The following MACROD2 variants were observed in gnomAD, a reference collection of about 807,000 sequenced individuals.
The protein encoded by MACROD2 is mono-ADP ribosylhydrolase 2.
In MACROD2, 36 loss-of-function variants were observed where a neutral mutation model predicts 70.4. That is an observed-to-expected ratio of 0.51 (90% CI 0.39 to 0.68). MACROD2 has a LOEUF of 0.68. MACROD2 is among the 30% of genes least tolerant of loss of function. The probability of loss-of-function intolerance (pLI) is 0.00; values close to 1 mark genes in which losing one functional copy is unlikely to be tolerated. For synonymous variants in MACROD2, 172 were observed against 178.8 expected, an observed-to-expected ratio of 0.96 and a Z score of 0.30; for missense variants, 496 against 538.4, an observed-to-expected ratio of 0.92 and a Z score of 0.78.
chr20:14,090,188 T>C (rs1601209812), intron 3 of MACROD2, among the ~76,000 whole-genome samples: 1 of 152,360 alleles, frequency 6.6e-6, no homozygotes, highest in East Asian at 1.9e-4. Context: ...TGTGTATATA[T>C]GTGTGTAGTT....
chr20:15,298,198 C>T (rs1015334008), intron 6 of MACROD2, among the ~76,000 whole-genome samples: 1 of 152,186 alleles, frequency 6.6e-6, no homozygotes, highest in Admixed American at 6.5e-5. Context: ...TGGTTTCTTC[C>T]TCTGTAAAAT....
chr20:14,332,776 C>G (rs1419215615), intron 3 of MACROD2, among the ~76,000 whole-genome samples: 2 of 151,964 alleles, frequency 1.3e-5, no homozygotes, highest in African/African-American at 4.8e-5. Flanking sequence ...ACAAATGTAT[C>G]CAACTTTGTG....
rs35379314 is a variant in MACROD2, at chr20:14,181,586, C to CT, written c.271+95869dup. On this transcript the variant is annotated intron_variant, in intron 3 of 17. Transcript: ENST00000684519. ...CCATCACCACTATCTAATTCCGGAT[C>CT]TTTTTTTTTTTCCCCAGAAGGAAAT... 6.0e-4 allele frequency among the ~76,000 whole-genome samples: 88 copies of CT among 147,528 alleles called. 1 individual carries two copies. Among genetic ancestry groups the CT allele is most frequent in the African/African-American group, 1.5e-3 (61 of 40,300 alleles).
intron 4 of MACROD2, among the ~76,000 whole-genome samples, chr20:14,506,760 C>T (rs1465737440): frequency 1.3e-5 from 2 of 152,108 alleles, no homozygotes; most frequent in African/African-American, 4.8e-5. Flanking sequence ...ACTGTTTTGG[C>T]TAACACAGTG....
intron 13 of MACROD2, among the ~76,000 whole-genome samples, chr20:15,982,312 C>G (rs1411648026): frequency 6.6e-6 from 1 of 152,138 alleles, no homozygotes; most frequent in African/African-American, 2.4e-5. Flanking sequence ...AATAATAGGA[C>G]TGTAGCAATC....
chr20:15,665,681 C>T (rs1199779806), intron 8 of MACROD2, among the ~76,000 whole-genome samples: 1 of 152,146 alleles, frequency 6.6e-6, no homozygotes, highest in Non-Finnish European at 1.5e-5. Context: ...AGAAAAGAGG[C>T]CATGGGAAGG....
intron 5 of MACROD2, among the ~76,000 whole-genome samples, chr20:14,858,271 G>A (rs765580813): frequency 6.6e-6 from 1 of 152,126 alleles, no homozygotes; most frequent in Non-Finnish European, 1.5e-5. Flanking sequence ...TGGAAAATGT[G>A]GTTAACCCGA....
chr20:15,438,710 C>A (rs940188232), intron 7 of MACROD2, among the ~76,000 whole-genome samples: 12 of 152,178 alleles, frequency 7.9e-5, no homozygotes, highest in African/African-American at 2.7e-4. Context: ...ATTCTGTGCT[C>A]ACAGCCAGTT....
chr20:15,434,243 C>G (rs2046399214), intron 7 of MACROD2, among the ~76,000 whole-genome samples: 1 of 151,894 alleles, frequency 6.6e-6, no homozygotes, highest in Non-Finnish European at 1.5e-5. Context: ...AGCAGACAAT[C>G]CACAGAGTGG....
intron 6 of MACROD2, among the ~76,000 whole-genome samples, chr20:15,265,257 T>C (rs1396557938): frequency 1.3e-5 from 2 of 152,168 alleles, no homozygotes; most frequent in Non-Finnish European, 1.5e-5. Flanking sequence ...GGAAACACAT[T>C]CACACTCAAT....
chr20:15,667,688 C>T (rs536090638), intron 8 of MACROD2, among the ~76,000 whole-genome samples: 4 of 152,164 alleles, frequency 2.6e-5, no homozygotes, highest in South Asian at 4.1e-4. Context: ...TGAATTCCCT[C>T]AATTAATCCT....
chr20:15,501,621 C>T (rs978347791), intron 8 of MACROD2, among the ~76,000 whole-genome samples: 2 of 151,948 alleles, frequency 1.3e-5, no homozygotes, highest in African/African-American at 4.8e-5. Context: ...TTTCTTGGGT[C>T]CATTGTAGAA....
At chr20:15,825,609 A>T (rs1355880777) in intron 8 of MACROD2, among the ~76,000 whole-genome samples, 1 of 151,938 alleles carries the variant, frequency 6.6e-6, no homozygotes, top group Non-Finnish European at 1.5e-5. Context: ...AGCCAGATAA[A>T]ATGGTTTTTT....
chr20:15,098,047 A>AT (rs1183939798), intron 5 of MACROD2, among the ~76,000 whole-genome samples: 3 of 152,162 alleles, frequency 2.0e-5, no homozygotes, highest in Non-Finnish European at 4.4e-5. Context: ...GAGCTGCCAA[A>AT]TAAACTTAAA....
intron 5 of MACROD2, among the ~76,000 whole-genome samples, chr20:14,755,326 C>T (rs528937642): frequency 1.5e-4 from 23 of 152,182 alleles, no homozygotes; most frequent in African/African-American, 4.6e-4. Context: ...CATCATTCCT[C>T]CTCTGGGGCA....
At chr20:14,032,410 C>T (rs1327186483) in intron 2 of MACROD2, among the ~76,000 whole-genome samples, 1 of 152,038 alleles carries the variant, frequency 6.6e-6, no homozygotes, top group Non-Finnish European at 1.5e-5. Flanking sequence ...AAGGTTTATA[C>T]CCACATCAGT....
chr20:14,288,401 C>A (rs996580764), intron 3 of MACROD2, among the ~76,000 whole-genome samples: 1 of 152,110 alleles, frequency 6.6e-6, no homozygotes, highest in African/African-American at 2.4e-5. Flanking sequence ...TGACTTCTTT[C>A]AGGTGAGAGA....
chr20:15,302,726 G>T (rs2077658976), intron 6 of MACROD2, among the ~76,000 whole-genome samples: 1 of 152,214 alleles, frequency 6.6e-6, no homozygotes, highest in African/African-American at 2.4e-5. Context: ...GATGTTGCCA[G>T]ATGGCCTTCT....
chr20:14,489,666 T>C (rs2084772131), intron 3 of MACROD2, among the ~76,000 whole-genome samples: 1 of 152,180 alleles, frequency 6.6e-6, no homozygotes, highest in Admixed American at 6.5e-5. Context: ...AAGTATAATT[T>C]CCTTTATAAT....
Sources: allele counts gnomAD v4.1 joint callset (sites outside exome capture counted in the v4.1 genomes callset), GRCh38; gene constraint gnomAD v4.1.1; transcripts MANE v1.5; gene names NCBI Gene and HGNC (gene_info 2026-07-23, HGNC 2026-07-21).